The following MIS18A variants were observed in gnomAD, a reference collection of about 807,000 sequenced individuals.
MIS18A encodes protein Mis18-alpha.
A neutral mutation model predicts 25.0 loss-of-function variants in MIS18A; 14 were observed. The observed-to-expected ratio is 0.56, with a 90% CI of 0.37 to 0.88. The LOEUF (loss-of-function observed/expected upper bound fraction) is 0.88, where lower values mean the gene tolerates loss of function less well. Among genes scored for constraint, MIS18A ranks in the 40% least tolerant of loss-of-function variants. MIS18A has a pLI of 0.00. For synonymous variants in MIS18A, 134 were observed against 118.6 expected (o/e 1.13, Z -0.84); for missense variants, 292 against 290.8 (o/e 1.00, Z -0.03).
chr21:32,174,067 C>A, the MIS18A span, among the ~76,000 whole-genome samples: 535 of 146,968 alleles, frequency 3.6e-3, 5 homozygotes, highest in African/African-American at 0.013. Flanking sequence ...CGGGTTCAAG[C>A]GATTCTCCTA....
the MIS18A span, chr21:32,259,977 G>GCCCCA: frequency 1.3e-5 from 2 of 151,888 alleles, no homozygotes; most frequent in Admixed American, 1.3e-4. Context: ...TTTTATGCTA[G>GCCCCA]CCCCACAGCA....
At chr21:32,191,249 T>C in the MIS18A span, among the ~76,000 whole-genome samples, 1 of 152,160 alleles carries the variant, frequency 6.6e-6, no homozygotes, top group African/African-American at 2.4e-5. Flanking sequence ...GCACAGAAAT[T>C]TACTGTATCC....
chr21:32,236,936 T>C, the MIS18A span, among the ~76,000 whole-genome samples: 1 of 152,118 alleles, frequency 6.6e-6, no homozygotes, highest in African/African-American at 2.4e-5. Context: ...TTGAGAGCAG[T>C]GATACCTTCT....
the MIS18A span, among the ~76,000 whole-genome samples, chr21:32,212,709 G>A: frequency 6.6e-6 from 1 of 152,148 alleles, no homozygotes; most frequent in East Asian, 1.9e-4. Context: ...CAAGGTGGGG[G>A]CCAGGTGGAG....
chr21:32,244,234 A>G, the MIS18A span, among the ~76,000 whole-genome samples: 2 of 152,228 alleles, frequency 1.3e-5, no homozygotes, highest in South Asian at 2.1e-4. Context: ...AAGAAAGCAC[A>G]GTGGATTGCG....
At chr21:32,225,010 G>C in the MIS18A span, among the ~76,000 whole-genome samples, 2 of 140,648 alleles carry the variant, frequency 1.4e-5, no homozygotes, top group East Asian at 2.1e-4. Context: ...ACAAACCTGA[G>C]AAAAACAAGC....
the MIS18A span, among the ~76,000 whole-genome samples, chr21:32,220,194 A>G: frequency 3.9e-5 from 6 of 152,214 alleles, no homozygotes; most frequent in African/African-American, 1.4e-4. Context: ...GACACCTCCC[A>G]GCAGGGGTCA....
At chr21:32,207,523 T>C in the MIS18A span, among the ~76,000 whole-genome samples, 1 of 152,222 alleles carries the variant, frequency 6.6e-6, no homozygotes, top group African/African-American at 2.4e-5. Context: ...TACAGCCGCT[T>C]GCCAGGATAT....
At chr21:32,186,890 G>C in the MIS18A span, among the ~76,000 whole-genome samples, 1 of 152,244 alleles carries the variant, frequency 6.6e-6, no homozygotes, top group African/African-American at 2.4e-5. Flanking sequence ...CGAGAACAAA[G>C]GTTCGGGGAA....
intron 2 of MIS18A, among the ~76,000 whole-genome samples, chr21:32,271,346 C>T (rs1200964069): frequency 6.6e-6 from 1 of 152,200 alleles, no homozygotes; most frequent in South Asian, 2.1e-4. Flanking sequence ...ATTCTAACTC[C>T]TACTCAGTAT....
the MIS18A span, among the ~76,000 whole-genome samples, chr21:32,171,984 T>G: frequency 5.3e-5 from 8 of 152,024 alleles, no homozygotes; most frequent in African/African-American, 1.7e-4. Context: ...GCAAAGGACT[T>G]GAATAGCCAT....
At chr21:32,182,665 A>G in the MIS18A span, among the ~76,000 whole-genome samples, 110 of 152,292 alleles carry the variant, frequency 7.2e-4, no homozygotes, top group Middle Eastern at 3.4e-3. Context: ...AGAGATTCAC[A>G]TAAGAACACG....
At chr21:32,246,664 G>A in the MIS18A span, among the ~76,000 whole-genome samples, 2 of 152,188 alleles carry the variant, frequency 1.3e-5, no homozygotes, top group Middle Eastern at 3.4e-3. Flanking sequence ...TATCTTATCC[G>A]ACTCTTGTCC....
intron 2 of MIS18A, among the ~76,000 whole-genome samples, 187 bp downstream of exon 2, chr21:32,274,639 GAACT>G (rs1342923467): frequency 3.3e-5 from 5 of 151,934 alleles, no homozygotes; most frequent in African/African-American, 4.8e-5. Context: ...AACCACTCAA[GAACT>G]AACATATTCC....
the MIS18A span, among the ~76,000 whole-genome samples, chr21:32,157,054 CTTT>C: frequency 3.3e-5 from 4 of 121,546 alleles, no homozygotes; most frequent in South Asian, 2.8e-4. Context: ...TTCTTTCTTT[CTTT>C]TTTTTTTTTT....
the MIS18A span, among the ~76,000 whole-genome samples, chr21:32,182,167 T>G: frequency 2.6e-5 from 4 of 152,204 alleles, no homozygotes; most frequent in Non-Finnish European, 4.4e-5. Flanking sequence ...CCATCAATTC[T>G]GATTGATAGT....
chr21:32,228,948 T>G, the MIS18A span, among the ~76,000 whole-genome samples: 1 of 152,356 alleles, frequency 6.6e-6, no homozygotes, highest in Admixed American at 6.5e-5. Context: ...CACCTATATA[T>G]GCTTCTAGTT....
the MIS18A span, among the ~76,000 whole-genome samples, chr21:32,239,051 G>A: frequency 6.6e-6 from 1 of 152,114 alleles, no homozygotes; most frequent in African/African-American, 2.4e-5. Context: ...AATTATATAT[G>A]TGTACTGGGA....
chr21:32,216,238 C>A, the MIS18A span, among the ~76,000 whole-genome samples: 2 of 152,182 alleles, frequency 1.3e-5, no homozygotes, highest in African/African-American at 4.8e-5. Flanking sequence ...CCCGTACCCC[C>A]AGATTTGCAG....
Sources: allele counts gnomAD v4.1 joint callset (sites outside exome capture counted in the v4.1 genomes callset), GRCh38; gene constraint gnomAD v4.1.1; transcripts MANE v1.5; gene names NCBI Gene and HGNC (gene_info 2026-07-23, HGNC 2026-07-21).